Variants in TECRL observed in about 807,000 individuals in gnomAD.
TECRL encodes the protein trans-2,3-enoyl-CoA reductase-like.
TECRL carries 63 observed loss-of-function variants against 52.8 expected under a neutral mutation model. The observed-to-expected ratio is 1.19, with a 90% CI of 0.97 to 1.47. The LOEUF (loss-of-function observed/expected upper bound fraction) is 1.47. Among genes scored for constraint, TECRL ranks in the 40% most tolerant of loss-of-function variants. TECRL has a pLI of 0.00. For synonymous variants in TECRL, 164 were observed against 141.9 expected (o/e 1.16, Z -1.10); for missense variants, 482 against 429.6 (o/e 1.12, Z -1.08).
intron 1 of TECRL, among the ~76,000 whole-genome samples, chr4:64,388,945 C>A (rs1275098755): frequency 1.3e-5 from 2 of 151,762 alleles, no homozygotes; most frequent in South Asian, 2.1e-4. Context: ...AACCTTGTAT[C>A]CTGAAACCTT....
rs191029944 is a variant in TECRL at position 64,338,083 on chromosome 4, G to T, written c.287-9527C>A. Among the ~76,000 whole-genome samples the T allele has an allele frequency of 2.4e-3, 360 of 152,196 alleles. 1 individual carries two copies. The highest frequency in any genetic ancestry group is 8.4e-3 in the African/African-American group (350 of 41,522). ...AGCATGGTACTGGTACCAAAAGAGA[G>T]ATATAGACCAATGGAACAGAACAGA... On this transcript the variant is annotated intron_variant, in intron 2 of 11. Coordinates refer to ENST00000381210, the MANE Select transcript of TECRL (RefSeq NM_001010874.5).
intron 2 of TECRL, among the ~76,000 whole-genome samples, chr4:64,337,304 A>C (rs1263845104): frequency 6.6e-6 from 1 of 152,100 alleles, no homozygotes; most frequent in Non-Finnish European, 1.5e-5. Flanking sequence ...TTTATGACAA[A>C]CCCACAGCCA....
intron 1 of TECRL, 74 bp from the exon 2 acceptor site, chr4:64,375,297 T>C: frequency 1.3e-6 from 1 of 744,204 alleles, no homozygotes; most frequent in Non-Finnish European, 2.0e-6. Flanking sequence ...GAAAAAAAAG[T>C]TTAAATATAT....
chr4:64,405,289 A>G (rs1313296331), intron 1 of TECRL, among the ~76,000 whole-genome samples: 1 of 152,124 alleles, frequency 6.6e-6, no homozygotes, highest in African/African-American at 2.4e-5. Flanking sequence ...TCTTGTTGTT[A>G]GTAGAGGATA....
intron 1 of TECRL, among the ~76,000 whole-genome samples, chr4:64,398,936 T>C (rs1160556312): frequency 6.6e-6 from 1 of 152,164 alleles, no homozygotes; most frequent in Non-Finnish European, 1.5e-5. Flanking sequence ...CACTTTGCTA[T>C]ACCACAGCAG....
At chr4:64,354,848 T>C (rs1463796319) in intron 2 of TECRL, among the ~76,000 whole-genome samples, 1 of 152,234 alleles carries the variant, frequency 6.6e-6, no homozygotes, top group African/African-American at 2.4e-5. Flanking sequence ...ATTAGAATGA[T>C]AGATGATCAA....
chr4:64,409,378 A>G lies in TECRL; in HGVS notation c.-27T>C, dbSNP rs1445858384. On this transcript the variant is annotated 5_prime_UTR_variant, in exon 1 of 12. The change abolishes an upstream ATG in the 5' untranslated region. Coordinates refer to ENST00000381210, the MANE Select transcript of TECRL (RefSeq NM_001010874.5). ...GTGTGAACTAAGAGGAGGGTCTGTC[A>G]TGTCAAAAGTAGAAAATTGCAAGTG... The G allele has an allele frequency of 6.2e-7, 1 of 1,602,638 alleles. No homozygotes were observed. Among genetic ancestry groups the G allele is most frequent in the Non-Finnish European group, 8.5e-7 (1 of 1,173,260 alleles).
intron 5 of TECRL, among the ~76,000 whole-genome samples, chr4:64,312,574 C>A (rs2110005491): frequency 6.6e-6 from 1 of 152,032 alleles, no homozygotes; most frequent in South Asian, 2.1e-4. Context: ...ACAGCCTGGG[C>A]AACATAATGA....
chr4:64,299,880 T>C (rs1577828255), intron 8 of TECRL, 94 bp downstream of exon 8: 1 of 541,070 alleles, frequency 1.8e-6, no homozygotes. Context: ...ATATATATCA[T>C]ATTTTCTACA....
intron 9 of TECRL, among the ~76,000 whole-genome samples, chr4:64,288,820 A>G (rs567644666): frequency 6.6e-6 from 1 of 152,202 alleles, no homozygotes; most frequent in Non-Finnish European, 1.5e-5. Flanking sequence ...TCTGCAGCCA[A>G]CATTGGTCAA....
intron 1 of TECRL, among the ~76,000 whole-genome samples, chr4:64,392,661 T>A (rs1045253147): frequency 3.3e-5 from 5 of 151,996 alleles, no homozygotes; most frequent in Admixed American, 1.3e-4. Flanking sequence ...ATATTTATTG[T>A]CTGTCAGCTT....
chr4:64,322,694 T>C lies in TECRL; in HGVS notation c.430A>G (p.Thr144Ala). The C allele has an allele frequency of 1.3e-6, 2 of 1,594,176 alleles. No individual in the cohort carries two copies. The highest frequency in any genetic ancestry group is 1.7e-6 in the Non-Finnish European group (2 of 1,170,464). Reference protein sequence around the residue: ...ATDLGQQVSWTTVFLAEYTGP... With the variant: ...ATDLGQQVSWATVFLAEYTGP... ...CATTTCAAATTAACACTTACTGTGG[T>C]CCAACTGACTTGTTGACCTAGGTCT... Residue 144 changes from threonine to alanine, a missense_variant, in exon 4 of 12, where the codon ACC becomes GCC. By Grantham distance (58) the Thr-to-Ala change is moderately conservative. Transcript: ENST00000381210.
At chr4:64,374,648 G>T (rs1458478915) in intron 2 of TECRL, among the ~76,000 whole-genome samples, 2 of 151,808 alleles carry the variant, frequency 1.3e-5, no homozygotes, top group Non-Finnish European at 2.9e-5. Context: ...ACCTATGAGT[G>T]AGAACATGCG....
chr4:64,309,185 G>A (rs867319278), intron 6 of TECRL, among the ~76,000 whole-genome samples: 14 of 152,190 alleles, frequency 9.2e-5, no homozygotes, highest in Middle Eastern at 3.4e-3. Context: ...TGGCTGTTCT[G>A]TTGCGATATT....
chr4:64,361,239 T>G (rs1264593181), intron 2 of TECRL, among the ~76,000 whole-genome samples: 1 of 152,076 alleles, frequency 6.6e-6, no homozygotes, highest in Non-Finnish European at 1.5e-5. Flanking sequence ...CACACGGCAG[T>G]CCTCCACCAG....
intron 4 of TECRL, among the ~76,000 whole-genome samples, chr4:64,316,006 C>CAGA (rs60365424): frequency 0.96 from 145,789 of 151,940 alleles, 69,975 homozygotes; most frequent in East Asian, 1. Flanking sequence ...CCCCATTATT[C>CAGA]TATAGAAAAT....
chr4:64,293,028 C>T (rs898215155), intron 8 of TECRL, among the ~76,000 whole-genome samples: 5 of 151,956 alleles, frequency 3.3e-5, no homozygotes, highest in African/African-American at 1.2e-4. Flanking sequence ...ATCATATAAT[C>T]TTTATTGAGT....
At chr4:64,359,184 T>C (rs1013994188) in intron 2 of TECRL, among the ~76,000 whole-genome samples, 1 of 151,930 alleles carries the variant, frequency 6.6e-6, no homozygotes, top group Non-Finnish European at 1.5e-5. Flanking sequence ...AAACACCGGC[T>C]GTTGAAAGAA....
chr4:64,328,479 T>C (rs1363418741), intron 3 of TECRL, 33 bp downstream of exon 3: 1 of 1,585,792 alleles, frequency 6.3e-7, no homozygotes, highest in Non-Finnish European at 8.6e-7. Flanking sequence ...GATTATAAAT[T>C]AAATAAACAC....
Sources: allele counts gnomAD v4.1 joint callset (sites outside exome capture counted in the v4.1 genomes callset), GRCh38; gene constraint gnomAD v4.1.1; transcripts MANE v1.5; gene names NCBI Gene and HGNC (gene_info 2026-07-23, HGNC 2026-07-21).